The following NRXN1 variants were observed in gnomAD, a reference collection of about 807,000 sequenced individuals.
NRXN1 encodes the protein neurexin 1.
A neutral mutation model predicts 150.9 loss-of-function variants in NRXN1; 39 were observed. The ratio of observed to expected loss-of-function variants is 0.26; its 90% CI spans 0.20 to 0.34. The LOEUF is 0.34. Among genes scored for constraint, NRXN1 ranks in the 10% least tolerant of loss-of-function variants. The probability of loss-of-function intolerance (pLI) is 1.00; values close to 1 mark genes in which losing one functional copy is unlikely to be tolerated. For synonymous variants in NRXN1, 924 were observed against 757.0 expected, an observed-to-expected ratio of 1.22 and a Z score of -3.62; for missense variants, 1,815 against 1,949.9, an observed-to-expected ratio of 0.93 and a Z score of 1.30.
intron 2 of NRXN1, among the ~76,000 whole-genome samples, chr2:50,942,106 G>A (rs549624774): frequency 6.6e-6 from 1 of 152,296 alleles, no homozygotes; most frequent in African/African-American, 2.4e-5. Flanking sequence ...ACAGGCCATG[G>A]CTTCAAAGGA....
chr2:50,368,842 G>A (rs76128732), intron 17 of NRXN1, among the ~76,000 whole-genome samples: 5,021 of 151,992 alleles, frequency 0.033, 209 homozygotes, highest in East Asian at 0.11. Flanking sequence ...AAACGAGTGG[G>A]GGTTTGGAAC....
chr2:50,180,745 A>G (rs1194615283), intron 18 of NRXN1, among the ~76,000 whole-genome samples: 1 of 152,168 alleles, frequency 6.6e-6, no homozygotes, highest in African/African-American at 2.4e-5. Flanking sequence ...CATGAGGAAA[A>G]TAATTCTATT....
chr2:50,029,338 A>T (rs1225002027), intron 21 of NRXN1, among the ~76,000 whole-genome samples: 1 of 152,300 alleles, frequency 6.6e-6, no homozygotes, highest in Admixed American at 6.5e-5. Context: ...GCCCTATTGG[A>T]CTAACACAGT....
chr2:50,094,642 G>T (rs1287808824), intron 18 of NRXN1, among the ~76,000 whole-genome samples: 2 of 152,006 alleles, frequency 1.3e-5, no homozygotes, highest in African/African-American at 4.8e-5. Context: ...GTGCATTAGG[G>T]TTTGTTAGGA....
At chr2:50,160,611 A>G (rs2059306377) in intron 18 of NRXN1, among the ~76,000 whole-genome samples, 1 of 152,156 alleles carries the variant, frequency 6.6e-6, no homozygotes, top group Admixed American at 6.6e-5. Context: ...ATTTATAATA[A>G]GAAAATGTGA....
intron 5 of NRXN1, among the ~76,000 whole-genome samples, chr2:50,833,103 C>A (rs941928951): frequency 1.3e-5 from 2 of 152,094 alleles, no homozygotes; most frequent in Admixed American, 1.3e-4. Context: ...TGCAAAATAA[C>A]ACCACAATGA....
At chr2:50,443,090 G>C (rs2086104161) in intron 17 of NRXN1, among the ~76,000 whole-genome samples, 1 of 152,084 alleles carries the variant, frequency 6.6e-6, no homozygotes, top group Non-Finnish European at 1.5e-5. Context: ...CACAGAGCTT[G>C]GCTGTGAAGG....
At chr2:50,663,377 T>C (rs1481915680) in intron 5 of NRXN1, among the ~76,000 whole-genome samples, 6 of 152,000 alleles carry the variant, frequency 3.9e-5, no homozygotes, top group African/African-American at 1.2e-4. Flanking sequence ...TTCTTAGACA[T>C]TGGTTTTTGT....
chr2:50,651,454 A>C (rs908861071), intron 5 of NRXN1, among the ~76,000 whole-genome samples: 16 of 151,210 alleles, frequency 1.1e-4, no homozygotes, highest in Non-Finnish European at 1.5e-4. Flanking sequence ...CTCTACCAAA[A>C]ATAACATAAC....
At chr2:50,388,656 C>G (rs2081482037) in intron 17 of NRXN1, among the ~76,000 whole-genome samples, 1 of 152,076 alleles carries the variant, frequency 6.6e-6, no homozygotes, top group Non-Finnish European at 1.5e-5. Flanking sequence ...TAATTTTATG[C>G]TCCTTAGATT....
chr2:50,107,539 A>ATATATATATATATTTT (rs59921941), intron 18 of NRXN1, among the ~76,000 whole-genome samples: 57 of 129,868 alleles, frequency 4.4e-4, no homozygotes, highest in African/African-American at 1.6e-3. Context: ...ATATATATAT[A>ATATATATATATATTTT]TTTTTTTTTT....
intron 8 of NRXN1, among the ~76,000 whole-genome samples, chr2:50,604,693 C>T (rs1676814518): frequency 6.6e-6 from 1 of 152,106 alleles, no homozygotes; most frequent in African/African-American, 2.4e-5. Flanking sequence ...AAAGCCTTTT[C>T]CTAAATATTT....
intron 5 of NRXN1, among the ~76,000 whole-genome samples, chr2:50,773,573 T>C (rs551384008): frequency 8.5e-4 from 129 of 152,256 alleles, no homozygotes; most frequent in African/African-American, 2.9e-3. Flanking sequence ...ATTGGTGCAG[T>C]GCACTAGCTA....
intron 12 of NRXN1, among the ~76,000 whole-genome samples, chr2:50,515,831 C>T (rs2092615159): frequency 6.6e-6 from 1 of 152,080 alleles, no homozygotes; most frequent in Non-Finnish European, 1.5e-5. Flanking sequence ...GCAGGAGCTA[C>T]CACTGCTTGA....
chr2:50,010,093 G>A (rs1384992119), intron 21 of NRXN1, among the ~76,000 whole-genome samples: 1 of 151,536 alleles, frequency 6.6e-6, no homozygotes, highest in Non-Finnish European at 1.5e-5. Flanking sequence ...AAACAAACCA[G>A]GCTTTAATTT....
At chr2:50,031,802 G>A (rs969402758) in intron 21 of NRXN1, among the ~76,000 whole-genome samples, 1 of 152,050 alleles carries the variant, frequency 6.6e-6, no homozygotes, top group Admixed American at 6.6e-5. Context: ...AACCCTTTTA[G>A]TAAGAAGTAT....
chr2:50,186,872 AAT>A (rs764739917), intron 18 of NRXN1, among the ~76,000 whole-genome samples: 14 of 152,110 alleles, frequency 9.2e-5, no homozygotes, highest in Non-Finnish European at 1.9e-4. Flanking sequence ...AATTATTTAG[AAT>A]ATGATTTATT....
At chr2:50,419,589 G>A (rs2083809813) in intron 17 of NRXN1, among the ~76,000 whole-genome samples, 1 of 151,566 alleles carries the variant, frequency 6.6e-6, no homozygotes, top group South Asian at 2.1e-4. Flanking sequence ...AAGGAAGGGA[G>A]GCAATAAGGA....
chr2:50,450,575 A>G (rs946026170), intron 17 of NRXN1, among the ~76,000 whole-genome samples: 4 of 152,178 alleles, frequency 2.6e-5, no homozygotes, highest in African/African-American at 7.2e-5. Flanking sequence ...TAACTGCTCA[A>G]TTAATAATAG....
Sources: gnomAD v4.1 joint callset for allele counts (sites outside exome capture counted in the v4.1 genomes callset) on GRCh38, gnomAD v4.1.1 for gene constraint, MANE v1.5 for transcripts, NCBI Gene and HGNC (gene_info 2026-07-23, HGNC 2026-07-21) for gene names.